CUL4A: variants seen among roughly 807,000 people sequenced by gnomAD.
CUL4A encodes cullin 4A.
Under a neutral mutation model 95.5 loss-of-function variants are expected in CUL4A, and 16 were observed. That is an observed-to-expected ratio of 0.17 (90% CI 0.11 to 0.25). The LOEUF (loss-of-function observed/expected upper bound fraction) is 0.25, where lower values mean the gene tolerates loss of function less well. CUL4A is among the 10% of genes least tolerant of loss of function. The pLI, the probability that CUL4A is intolerant of heterozygous loss-of-function variation, is 1.00. For missense variants in CUL4A, 610 were observed against 937.0 expected, an observed-to-expected ratio of 0.65 and a Z score of 4.56; for synonymous variants, 380 against 353.1, an observed-to-expected ratio of 1.08 and a Z score of -0.85.
chr13:113,214,049 A>G (rs2040551463), intron 2 of CUL4A, among the ~76,000 whole-genome samples: 1 of 152,226 alleles, frequency 6.6e-6, no homozygotes. Context: ...GTTTTTGTAT[A>G]GGTGGGGTGG....
intron 5 of CUL4A, among the ~76,000 whole-genome samples, chr13:113,232,001 T>C (rs1001594125): frequency 1.2e-4 from 18 of 145,672 alleles, no homozygotes; most frequent in Admixed American, 7.0e-5. Context: ...CGCCTACCAC[T>C]GTTACTACTG....
chr13:113,228,964 CAAAA>C (rs757684769), intron 4 of CUL4A, among the ~76,000 whole-genome samples: 1 of 134,006 alleles, frequency 7.5e-6, no homozygotes, highest in Non-Finnish European at 1.6e-5. Flanking sequence ...ACTGAAAATA[CAAAA>C]AAAAAAAAAA....
At chr13:113,223,456 C>T (rs1595364870) in intron 3 of CUL4A, among the ~76,000 whole-genome samples, 1 of 152,136 alleles carries the variant, frequency 6.6e-6, no homozygotes, top group Non-Finnish European at 1.5e-5. Context: ...TGTGCAATGG[C>T]GCAATCTTGG....
intron 15 of CUL4A, among the ~76,000 whole-genome samples, chr13:113,251,708 C>A (rs1449309854): frequency 6.6e-6 from 1 of 152,178 alleles, no homozygotes; most frequent in African/African-American, 2.4e-5. Context: ...TTTCCCCTTA[C>A]CTTCTGCCAT....
intron 2 of CUL4A, among the ~76,000 whole-genome samples, chr13:113,216,998 A>G (rs1034333280): frequency 3.3e-5 from 5 of 152,208 alleles, no homozygotes; most frequent in Admixed American, 2.6e-4. Context: ...AATGTGCACC[A>G]AATAGGACAC....
chr13:113,238,365 C>G (rs1291204019), intron 9 of CUL4A, among the ~76,000 whole-genome samples: 1 of 151,850 alleles, frequency 6.6e-6, no homozygotes, highest in South Asian at 2.1e-4. Flanking sequence ...GTGGGAGGAT[C>G]ACTTTGGCCC....
At chr13:113,241,689 T>C (rs2041715785) in intron 10 of CUL4A, among the ~76,000 whole-genome samples, 1 of 151,918 alleles carries the variant, frequency 6.6e-6, no homozygotes, top group South Asian at 2.1e-4. Context: ...AATTTTTGTA[T>C]TTTTAGTAGA....
chr13:113,215,629 G>A (rs938894448), intron 2 of CUL4A, among the ~76,000 whole-genome samples: 4 of 150,272 alleles, frequency 2.7e-5, no homozygotes, highest in African/African-American at 9.8e-5. Context: ...GGAGATCTCT[G>A]TGTGACTATG....
Position 113,254,655 on chromosome 13 carries a change from G to C in CUL4A, c.1753-38G>C, listed in dbSNP as rs375776800. 2.1e-5 allele frequency: 28 copies of C among 1,336,372 alleles called. No homozygotes were observed. In the African/African-American group the frequency reaches 4.0e-4, roughly 19 times the overall value. The allele number at this position is 1,336,372 out of a possible 1,614,324, so 82.8% of individuals were successfully genotyped here. The stretch of plus-strand genomic sequence containing the variant: ...TTTTAATTTTTCAAAGATTGTACAT[G>C]CACAGCTTCAGAGGTGTGATGAGGC... On this transcript the variant is annotated intron_variant, in intron 16 of 19. Transcript: ENST00000375440.
At chr13:113,222,471 G>C (rs1025816419) in intron 3 of CUL4A, among the ~76,000 whole-genome samples, 1 of 151,876 alleles carries the variant, frequency 6.6e-6, no homozygotes, top group African/African-American at 2.4e-5. Context: ...TCGTGGTCAC[G>C]TTGATTTGGA....
intron 15 of CUL4A, among the ~76,000 whole-genome samples, chr13:113,248,105 G>A (rs186371497): frequency 2.6e-5 from 4 of 152,116 alleles, no homozygotes; most frequent in East Asian, 3.9e-4. Context: ...TTTCTCCACC[G>A]TATCGTTAGT....
intron 2 of CUL4A, among the ~76,000 whole-genome samples, chr13:113,213,447 A>G (rs1465804359): frequency 6.6e-6 from 1 of 150,620 alleles, no homozygotes; most frequent in Non-Finnish European, 1.5e-5. Context: ...TATTTCAGGC[A>G]GAAAGTTAAT....
rs534169449 is a variant in CUL4A at position 113,228,984 on chromosome 13, C to T, written c.439-462C>T. On this transcript the variant is annotated intron_variant, in intron 4 of 19. Transcript: ENST00000375440. Reference sequence around the variant, plus strand: ...AAATACAAAAAAAAAAAAAATTAACCGGGTGGGGTGGTGGGCGCCTGTAGT... The same window carrying T: ...AAATACAAAAAAAAAAAAAATTAACTGGGTGGGGTGGTGGGCGCCTGTAGT... Among the ~76,000 whole-genome samples, 7 of 151,644 alleles carry T rather than the reference C, an allele frequency of 4.6e-5. No homozygotes were observed. In the South Asian group the frequency reaches 8.4e-4, roughly 18 times the overall value.
chr13:113,254,161 G>A (rs2042063407), intron 16 of CUL4A, among the ~76,000 whole-genome samples: 1 of 152,082 alleles, frequency 6.6e-6, no homozygotes, highest in African/African-American at 2.4e-5. Flanking sequence ...GGTCCGCAGA[G>A]GGGGCCACCA....
intron 2 of CUL4A, among the ~76,000 whole-genome samples, chr13:113,217,567 C>T (rs2040741772): frequency 6.6e-6 from 1 of 152,014 alleles, no homozygotes. Context: ...ATGTATTTAA[C>T]TTTGGTTAAT....
chr13:113,241,179 T>G (rs572583442), intron 10 of CUL4A, among the ~76,000 whole-genome samples: 2 of 152,272 alleles, frequency 1.3e-5, no homozygotes, highest in East Asian at 1.9e-4. Context: ...AAGATTTAGG[T>G]TTTTTGCCAG....
At chr13:113,259,988 G>A (rs1036461362) in intron 18 of CUL4A, among the ~76,000 whole-genome samples, 5 of 147,622 alleles carry the variant, frequency 3.4e-5, no homozygotes, top group South Asian at 4.3e-4. Flanking sequence ...GGTGGATCAC[G>A]AGGTCAGGAG....
chr13:113,235,459 CTG>C (rs926926812), intron 8 of CUL4A, among the ~76,000 whole-genome samples: 1 of 152,188 alleles, frequency 6.6e-6, no homozygotes, highest in African/African-American at 2.4e-5. Flanking sequence ...TGTGCATTCT[CTG>C]TTACACATTT....
intron 19 of CUL4A, among the ~76,000 whole-genome samples, chr13:113,262,510 T>C (rs2042308515): frequency 6.6e-6 from 1 of 151,976 alleles, no homozygotes; most frequent in South Asian, 2.1e-4. Context: ...TAGCCAGGCA[T>C]GGTGGTGTGC....
Sources: gnomAD v4.1 joint callset for allele counts (sites outside exome capture counted in the v4.1 genomes callset) on GRCh38, gnomAD v4.1.1 for gene constraint, MANE v1.5 for transcripts, NCBI Gene and HGNC (gene_info 2026-07-23, HGNC 2026-07-21) for gene names.